The following SRPK2 variants were observed in gnomAD, a reference collection of about 807,000 sequenced individuals.
The protein encoded by SRPK2 is SFRS protein kinase 2.
A neutral mutation model predicts 90.8 loss-of-function variants in SRPK2; 21 were observed. The observed-to-expected ratio is 0.23, with a 90% CI of 0.16 to 0.33. The LOEUF (loss-of-function observed/expected upper bound fraction) is 0.33, where lower values mean the gene tolerates loss of function less well. Ranked by LOEUF, SRPK2 falls within the 10% of genes least tolerant of loss-of-function variation. SRPK2 has a pLI of 1.00. For synonymous variants in SRPK2, 288 were observed against 311.1 expected (o/e 0.93, Z 0.78); for missense variants, 620 against 869.0 (o/e 0.71, Z 3.60).
intron 2 of SRPK2, among the ~76,000 whole-genome samples, chr7:105,247,227 T>G (rs963434538): frequency 1.2e-4 from 19 of 152,146 alleles, no homozygotes; most frequent in Admixed American, 1.0e-3. Context: ...ACTAACTAAG[T>G]CCTCATAAAC....
chr7:105,303,230 C>T (rs1285956872), intron 2 of SRPK2, among the ~76,000 whole-genome samples: 3 of 152,026 alleles, frequency 2.0e-5, no homozygotes, highest in Non-Finnish European at 4.4e-5. Flanking sequence ...AACCAAACAC[C>T]GCATGTTCTC....
At chr7:105,370,858 C>T (rs1202042631) in intron 2 of SRPK2, among the ~76,000 whole-genome samples, 1 of 151,950 alleles carries the variant, frequency 6.6e-6, no homozygotes, top group East Asian at 1.9e-4. Context: ...TCAGGCAATC[C>T]ACCCGCTTAG....
At chr7:105,223,741 T>G (rs193013371) in intron 2 of SRPK2, among the ~76,000 whole-genome samples, 1 of 152,234 alleles carries the variant, frequency 6.6e-6, no homozygotes, top group Non-Finnish European at 1.5e-5. Context: ...TTGAAGCTAA[T>G]TTTTGTCAAG....
intron 11 of SRPK2, among the ~76,000 whole-genome samples, chr7:105,134,759 G>A (rs918700273): frequency 6.6e-6 from 1 of 152,194 alleles, no homozygotes; most frequent in African/African-American, 2.4e-5. Context: ...CTCCCTAGGG[G>A]GGCTCCAGAG....
At chr7:105,391,974 G>A (rs778928639), upstream of SRPK2, among the ~76,000 whole-genome samples, 1 of 152,130 alleles carries the variant, frequency 6.6e-6, no homozygotes, top group African/African-American at 2.4e-5. Flanking sequence ...TAAATGAATG[G>A]ATAAACAAAT....
chr7:105,341,686 G>A (rs1471197984), intron 2 of SRPK2, among the ~76,000 whole-genome samples: 2 of 151,828 alleles, frequency 1.3e-5, no homozygotes, highest in African/African-American at 4.8e-5. Context: ...AAAAAAACAG[G>A]GGACGGGAGT....
intron 2 of SRPK2, among the ~76,000 whole-genome samples, chr7:105,346,422 T>TGG: frequency 6.6e-6 from 1 of 152,150 alleles, no homozygotes; most frequent in Non-Finnish European, 1.5e-5. Context: ...AAACAACTGT[T>TGG]ATATGAAGGT....
chr7:105,135,070 G>A (rs1047536776), intron 11 of SRPK2, among the ~76,000 whole-genome samples: 2 of 152,174 alleles, frequency 1.3e-5, no homozygotes, highest in Non-Finnish European at 2.9e-5. Flanking sequence ...ATATAAAAAT[G>A]CTGACCCAAT....
At chr7:105,145,381 G>A in intron 8 of SRPK2, 73 bp from the exon 9 acceptor site, 1 of 1,101,792 alleles carries the variant, frequency 9.1e-7, no homozygotes, top group Non-Finnish European at 1.3e-6. Context: ...CATTCGAATT[G>A]CAAAGTGAAA....
chr7:105,296,031 TAATA>T (rs1191822711), intron 2 of SRPK2, among the ~76,000 whole-genome samples: 2 of 152,162 alleles, frequency 1.3e-5, no homozygotes, highest in Non-Finnish European at 2.9e-5. Context: ...ACTGGGTTGC[TAATA>T]AATGGCTTGC....
At chr7:105,206,049 C>A (rs1585173278) in intron 2 of SRPK2, 1 of 516,704 alleles carries the variant, frequency 1.9e-6, no homozygotes, top group Non-Finnish European at 3.9e-6. Flanking sequence ...GATTCTTGGA[C>A]TGGATAATTC....
upstream of SRPK2, chr7:105,389,358 C>T (rs764984571): frequency 6.3e-6 from 8 of 1,273,742 alleles, no homozygotes; most frequent in South Asian, 1.0e-4. Context: ...CCTCTACATC[C>T]TTGCAACCCC....
chr7:105,165,928 G>C (rs921377339), intron 6 of SRPK2, among the ~76,000 whole-genome samples: 4 of 152,060 alleles, frequency 2.6e-5, no homozygotes, highest in African/African-American at 9.7e-5. Flanking sequence ...GCGAGACCAC[G>C]AACCCACCGG....
chr7:105,133,320 C>T lies in SRPK2; in HGVS notation c.1544-216G>A, dbSNP rs147447316. Among the ~76,000 whole-genome samples, 292 of 152,306 alleles carry T rather than the reference C, an allele frequency of 1.9e-3. 2 individuals carry two copies. The highest frequency in any genetic ancestry group is 6.3e-3 in the African/African-American group (261 of 41,560). ...AGAGCAAACTGGGCTGCCCACAGGA[C>T]GCCAAGGGCACTGCCTTGACCTTTC... On this transcript the variant is annotated intron_variant, in intron 11 of 15. Transcript: ENST00000393651.
chr7:105,239,455 T>C (rs930320003), intron 2 of SRPK2, among the ~76,000 whole-genome samples: 5 of 152,230 alleles, frequency 3.3e-5, no homozygotes, highest in Admixed American at 1.3e-4. Context: ...ATTATCAAGG[T>C]ATCACTGAGG....
intron 2 of SRPK2, among the ~76,000 whole-genome samples, chr7:105,312,577 G>A (rs889610766): frequency 4.6e-5 from 7 of 152,116 alleles, no homozygotes; most frequent in Admixed American, 3.3e-4. Context: ...CACCTCAGAT[G>A]CAATTTTAAT....
chr7:105,297,923 G>C (rs982583831), intron 2 of SRPK2, among the ~76,000 whole-genome samples: 2 of 152,064 alleles, frequency 1.3e-5, no homozygotes, highest in Admixed American at 6.6e-5. Flanking sequence ...TGTGTTTTTA[G>C]TAGAGACGGG....
At chr7:105,265,848 TTCA>T (rs1182167339) in intron 2 of SRPK2, among the ~76,000 whole-genome samples, 4 of 150,432 alleles carry the variant, frequency 2.7e-5, no homozygotes, top group African/African-American at 7.2e-5. Flanking sequence ...TCATTTTTCA[TTCA>T]TCATTAGGCA....
intron 2 of SRPK2, among the ~76,000 whole-genome samples, chr7:105,377,587 A>G (rs542577439): frequency 6.6e-6 from 1 of 152,068 alleles, no homozygotes; most frequent in South Asian, 2.1e-4. Flanking sequence ...AATCCCAGCT[A>G]CTCAGGAGGC....
Sources: allele counts gnomAD v4.1 joint callset (sites outside exome capture counted in the v4.1 genomes callset), GRCh38; gene constraint gnomAD v4.1.1; transcripts MANE v1.5; gene names NCBI Gene and HGNC (gene_info 2026-07-23, HGNC 2026-07-21).